PDE11A: variants seen among roughly 807,000 people sequenced by gnomAD.
PDE11A encodes phosphodiesterase 11A, also known as dual 3',5'-cyclic-AMP and -GMP phosphodiesterase 11A.
PDE11A carries 100 observed loss-of-function variants against 100.5 expected under a neutral mutation model. The ratio of observed to expected loss-of-function variants is 1.00; its 90% CI spans 0.85 to 1.18. The LOEUF is 1.18. Among genes scored for constraint, PDE11A ranks in the 50% most tolerant of loss-of-function variants. PDE11A has a pLI of 0.00. For synonymous variants in PDE11A, 381 were observed against 420.8 expected (o/e 0.91, Z 1.16); for missense variants, 1,141 against 1,152.6 (o/e 0.99, Z 0.15).
intron 9 of PDE11A, among the ~76,000 whole-genome samples, chr2:177,814,409 T>A (rs893708631): frequency 1.3e-5 from 2 of 152,180 alleles, no homozygotes; most frequent in Non-Finnish European, 2.9e-5. Flanking sequence ...TCCTTCCAGA[T>A]ACTCTTGCAC....
At chr2:178,007,534 T>A (rs1484965794) in intron 2 of PDE11A, among the ~76,000 whole-genome samples, 2 of 152,146 alleles carry the variant, frequency 1.3e-5, no homozygotes, top group Non-Finnish European at 2.9e-5. Context: ...TGTGAGTAGA[T>A]CATTTAAATA....
Position 178,072,414 on chromosome 2 carries a change from A to C in PDE11A, c.24T>G (p.Phe8Leu). The C allele has an allele frequency of 6.2e-7, 1 of 1,613,402 alleles. No individual in the cohort carries two copies. Residue 8 changes from phenylalanine to leucine, a missense_variant, in exon 1 of 20, where the codon TTT becomes TTG. Transcript: ENST00000286063. ...TGTCCAGGAAAGTTTCCACCTCCCCAAAGTCCAGGCGGGAGGCTGCCATGG... is the reference window on the plus strand; with the variant it reads ...TGTCCAGGAAAGTTTCCACCTCCCCCAAGTCCAGGCGGGAGGCTGCCATGG... MAASRLD[F>L]GEVETFLDRH...
rs2087129412 is a variant in PDE11A at position 178,071,521 on chromosome 2, C to T, written c.912+5G>A. 6.2e-7 allele frequency: 1 copy of T among 1,613,166 alleles called. No homozygotes were observed. The highest frequency in any genetic ancestry group is 1.3e-5 in the African/African-American group (1 of 74,886). ...CTGGGAGAAGGGGACAATGCAAAGT[C>T]CTACCTGGTAGGCATCAGGAATGTT... On this transcript the variant is annotated splice_donor_5th_base_variant and intron_variant, in intron 1 of 19. Transcript: ENST00000286063.
chr2:177,686,426 A>C (rs1415217135), intron 15 of PDE11A, among the ~76,000 whole-genome samples: 3 of 152,140 alleles, frequency 2.0e-5, no homozygotes, highest in Admixed American at 6.5e-5. Context: ...AATTAGCTAC[A>C]TGTGGAGGCA....
chr2:177,766,377 G>A (rs2082238906), intron 10 of PDE11A, among the ~76,000 whole-genome samples: 1 of 152,152 alleles, frequency 6.6e-6, no homozygotes, highest in Admixed American at 6.5e-5. Context: ...CCTGGTACCA[G>A]TCCATGGGCT....
intron 10 of PDE11A, among the ~76,000 whole-genome samples, chr2:177,731,861 C>T (rs550709968): frequency 6.6e-6 from 1 of 152,134 alleles, no homozygotes; most frequent in Non-Finnish European, 1.5e-5. Context: ...ATTCATCCAT[C>T]TGTTTTCTAG....
chr2:177,887,437 G>A (rs961001108), intron 4 of PDE11A, among the ~76,000 whole-genome samples: 4 of 143,016 alleles, frequency 2.8e-5, no homozygotes, highest in African/African-American at 7.8e-5. Context: ...AGGAAACGTC[G>A]GCTGGACAAG....
chr2:177,803,947 T>C (rs532730138), intron 9 of PDE11A, among the ~76,000 whole-genome samples: 4 of 151,886 alleles, frequency 2.6e-5, no homozygotes, highest in African/African-American at 4.8e-5. Context: ...TTTCTCACTA[T>C]AGATAAAAAT....
At chr2:177,838,766 C>G (rs191981945) in intron 6 of PDE11A, among the ~76,000 whole-genome samples, 1 of 152,298 alleles carries the variant, frequency 6.6e-6, no homozygotes, top group East Asian at 1.9e-4. Flanking sequence ...ATGTTGACAT[C>G]TGTAAATCAT....
At chr2:178,060,937 C>CTT (rs71010855) in intron 1 of PDE11A, among the ~76,000 whole-genome samples, 1,083 of 75,694 alleles carry the variant, frequency 0.014, 1 homozygote, top group African/African-American at 0.018. Flanking sequence ...TGTAAATATT[C>CTT]TTTTTTTTTT....
chr2:177,972,094 A>G (rs1249360705), intron 2 of PDE11A, among the ~76,000 whole-genome samples: 3 of 152,254 alleles, frequency 2.0e-5, no homozygotes, highest in Admixed American at 6.5e-5. Flanking sequence ...AAGTTTGTAT[A>G]ATAGGTGAGC....
intron 1 of PDE11A, among the ~76,000 whole-genome samples, chr2:178,028,335 T>C (rs2086503659): frequency 6.7e-6 from 1 of 150,192 alleles, no homozygotes; most frequent in Non-Finnish European, 1.5e-5. Context: ...CATGAATCTC[T>C]TGCCCTATAA....
intron 2 of PDE11A, among the ~76,000 whole-genome samples, chr2:178,003,133 T>G (rs755372128): frequency 6.6e-6 from 1 of 152,140 alleles, no homozygotes; most frequent in Non-Finnish European, 1.5e-5. Flanking sequence ...TGCAAAACAG[T>G]CTGGTAGTTC....
intron 3 of PDE11A, among the ~76,000 whole-genome samples, chr2:177,903,778 T>C (rs548993031): frequency 2.0e-4 from 30 of 152,280 alleles, no homozygotes; most frequent in Admixed American, 1.1e-3. Flanking sequence ...AGGAGTTGGA[T>C]TGACATGAGG....
rs10432484 is a variant in PDE11A at position 178,070,724 on chromosome 2, T to G, written c.912+802A>C. 6.5e-4 allele frequency among the ~76,000 whole-genome samples: 99 copies of G among 152,352 alleles called. No individual in the cohort carries two copies. The East Asian group carries it at 0.018, about 27-fold the overall frequency. Reference sequence around the variant, plus strand: ...GAGCATGTTGGGTTTCCTTTTCCACTTGAAACTAACATGTTTACCCTGCTG... The same window carrying G: ...GAGCATGTTGGGTTTCCTTTTCCACGTGAAACTAACATGTTTACCCTGCTG... On this transcript the variant is annotated intron_variant, in intron 1 of 19. Transcript: ENST00000286063.
intron 2 of PDE11A, among the ~76,000 whole-genome samples, chr2:178,087,867 A>T (rs888337938): frequency 1.3e-5 from 2 of 152,178 alleles, no homozygotes; most frequent in Non-Finnish European, 2.9e-5. Context: ...ACTCCTCCTC[A>T]ATCACAGTGG....
At chr2:177,768,924 T>C (rs1421000785) in intron 10 of PDE11A, among the ~76,000 whole-genome samples, 1 of 152,210 alleles carries the variant, frequency 6.6e-6, no homozygotes, top group African/African-American at 2.4e-5. Flanking sequence ...CAGCAAGCAC[T>C]TAGTGTTAGC....
chr2:177,809,358 G>A (rs2082914953), intron 9 of PDE11A, among the ~76,000 whole-genome samples: 1 of 152,096 alleles, frequency 6.6e-6, no homozygotes, highest in Admixed American at 6.5e-5. Context: ...GAAGTGAGCT[G>A]ACCCCCACAG....
chr2:178,063,040 T>C (rs908888287), intron 1 of PDE11A, among the ~76,000 whole-genome samples: 1 of 152,212 alleles, frequency 6.6e-6, no homozygotes, highest in Non-Finnish European at 1.5e-5. Context: ...TACCATCATT[T>C]TTAAAAATTT....
Sources: gnomAD v4.1 joint callset for allele counts (sites outside exome capture counted in the v4.1 genomes callset) on GRCh38, gnomAD v4.1.1 for gene constraint, MANE v1.5 for transcripts, NCBI Gene and HGNC (gene_info 2026-07-23, HGNC 2026-07-21) for gene names.